Variants in TNFSF8 observed in about 807,000 individuals in gnomAD.
TNFSF8 encodes TNF superfamily member 8.
TNFSF8 carries 4 observed loss-of-function variants against 22.0 expected under a neutral mutation model. The observed-to-expected ratio is 0.18, with a 90% CI of 0.09 to 0.42. The LOEUF (loss-of-function observed/expected upper bound fraction) is 0.42, where lower values mean the gene tolerates loss of function less well. Ranked by LOEUF, TNFSF8 falls within the 10% of genes least tolerant of loss-of-function variation. TNFSF8 has a pLI of 1.00. For synonymous variants in TNFSF8, 106 were observed against 112.5 expected, an observed-to-expected ratio of 0.94 and a Z score of 0.37; for missense variants, 233 against 281.8, an observed-to-expected ratio of 0.83 and a Z score of 1.24.
At chr9:114,920,576 G>A (rs1827974763) in intron 1 of TNFSF8, among the ~76,000 whole-genome samples, 1 of 152,232 alleles carries the variant, frequency 6.6e-6, no homozygotes, top group Admixed American at 6.5e-5. Flanking sequence ...CTTTAAGGTA[G>A]TGCTGTTAGA....
intron 2 of TNFSF8, among the ~76,000 whole-genome samples, chr9:114,910,478 C>T (rs1405332439): frequency 6.6e-6 from 1 of 152,152 alleles, no homozygotes; most frequent in Non-Finnish European, 1.5e-5. Flanking sequence ...GGGCTTCTGA[C>T]TTCTAATCCA....
At chr9:114,928,162 G>A (rs1828086847) in intron 1 of TNFSF8, among the ~76,000 whole-genome samples, 1 of 152,184 alleles carries the variant, frequency 6.6e-6, no homozygotes, top group African/African-American at 2.4e-5. Context: ...ATTGCACAGT[G>A]AATCTTTTCA....
chr9:114,907,468 C>T (rs1323267686), intron 2 of TNFSF8, among the ~76,000 whole-genome samples: 4 of 152,188 alleles, frequency 2.6e-5, no homozygotes, highest in African/African-American at 9.7e-5. Flanking sequence ...CTGGCGTAGC[C>T]TCCTACTCTA....
At chr9:114,917,000 C>T (rs1194224266) in intron 2 of TNFSF8, among the ~76,000 whole-genome samples, 1 of 152,236 alleles carries the variant, frequency 6.6e-6, no homozygotes, top group Non-Finnish European at 1.5e-5. Context: ...GATTATTAGT[C>T]TGCCTTGAAA....
Position 114,902,310 on chromosome 9 carries a change from G to C in TNFSF8, c.*1621C>G. 2 of 985,424 alleles carry C rather than the reference G, an allele frequency of 2.0e-6. No individual in the cohort carries two copies. Among genetic ancestry groups the C allele is most frequent in the Non-Finnish European group, 1.2e-6 (1 of 829,928 alleles). The allele number at this position is 985,424 out of a possible 1,614,324, so 61.0% of individuals were successfully genotyped here. The stretch of plus-strand genomic sequence containing the variant: ...AACCCTCGCGGAACTGGTTTTCTGA[G>C]AGGTGTTTGAAGCAGGAATATATTA... On this transcript the variant is annotated 3_prime_UTR_variant, in exon 4 of 4. Transcript: ENST00000223795.
chr9:114,911,200 C>A (rs1486587910), intron 2 of TNFSF8, among the ~76,000 whole-genome samples: 1 of 152,192 alleles, frequency 6.6e-6, no homozygotes. Flanking sequence ...GGGAGCTTCT[C>A]AATTAAGTAC....
intron 1 of TNFSF8, among the ~76,000 whole-genome samples, chr9:114,928,411 A>G (rs1431858938): frequency 6.6e-6 from 1 of 152,214 alleles, no homozygotes; most frequent in African/African-American, 2.4e-5. Context: ...AGGCAGAAAG[A>G]TCTGCTCTGG....
At chr9:114,909,657 C>A (rs976724045) in intron 2 of TNFSF8, among the ~76,000 whole-genome samples, 2 of 152,292 alleles carry the variant, frequency 1.3e-5, no homozygotes, top group African/African-American at 4.8e-5. Context: ...CCCTATCAGA[C>A]CTGCTGGTGG....
rs575819885 is a variant in TNFSF8, at chr9:114,915,450, G to T, written c.238+2646C>A. On this transcript the variant is annotated intron_variant, in intron 2 of 3. Coordinates refer to ENST00000223795, the MANE Select transcript of TNFSF8 (RefSeq NM_001244.4). Reference sequence around the variant, plus strand: ...ATTTTTTCTACCTCACCCTACTACAGTGTCTCTGCAGATTGCTGAATTAAG... The same window carrying T: ...ATTTTTTCTACCTCACCCTACTACATTGTCTCTGCAGATTGCTGAATTAAG... Among the ~76,000 whole-genome samples the T allele has an allele frequency of 2.6e-5, 4 of 152,268 alleles. No individual in the cohort carries two copies. In the East Asian group the frequency reaches 7.7e-4, roughly 29 times the overall value.
intron 1 of TNFSF8, among the ~76,000 whole-genome samples, chr9:114,922,334 C>T (rs1423648874): frequency 5.9e-5 from 9 of 152,164 alleles, no homozygotes; most frequent in Non-Finnish European, 1.2e-4. Flanking sequence ...CATTCCTTTC[C>T]TTGTTGCCCT....
downstream of TNFSF8, among the ~76,000 whole-genome samples, chr9:114,897,572 G>A (rs892060510): frequency 6.6e-6 from 1 of 152,198 alleles, no homozygotes; most frequent in African/African-American, 2.4e-5. Flanking sequence ...AGCCAGCAGA[G>A]TCAGGAAGAC....
chr9:114,926,464 T>C (rs1444335216), intron 1 of TNFSF8, among the ~76,000 whole-genome samples: 1 of 152,164 alleles, frequency 6.6e-6, no homozygotes, highest in African/African-American at 2.4e-5. Context: ...ATTCCATTCC[T>C]ATCACTAAAA....
chr9:114,899,348 T>TA (rs1375739077), downstream of TNFSF8, among the ~76,000 whole-genome samples: 50 of 144,610 alleles, frequency 3.5e-4, no homozygotes, highest in Middle Eastern at 7.0e-3. Flanking sequence ...AGTTATTATT[T>TA]TTTTTTTTTT....
intron 2 of TNFSF8, among the ~76,000 whole-genome samples, chr9:114,913,137 G>A (rs1442361881): frequency 6.6e-6 from 1 of 152,184 alleles, no homozygotes; most frequent in East Asian, 1.9e-4. Flanking sequence ...CCAAATTCCT[G>A]GGCCAGTCCT....
chr9:114,926,039 A>C (rs1156532519), intron 1 of TNFSF8, among the ~76,000 whole-genome samples: 1 of 152,188 alleles, frequency 6.6e-6, no homozygotes, highest in Non-Finnish European at 1.5e-5. Flanking sequence ...GTGAAATTTC[A>C]TCCTGACTTT....
chr9:114,924,199 T>G (rs2131350088), intron 1 of TNFSF8, among the ~76,000 whole-genome samples: 1 of 152,292 alleles, frequency 6.6e-6, no homozygotes, highest in East Asian at 1.9e-4. Flanking sequence ...AAATGCAGAT[T>G]CGGATTCAGG....
intron 2 of TNFSF8, among the ~76,000 whole-genome samples, chr9:114,908,259 A>G (rs1437856421): frequency 1.3e-5 from 2 of 152,212 alleles, no homozygotes; most frequent in Non-Finnish European, 2.9e-5. Flanking sequence ...CACCTAGTTC[A>G]TCTTTCTTGT....
chr9:114,910,489 G>A (rs1827839681), intron 2 of TNFSF8, among the ~76,000 whole-genome samples: 1 of 152,152 alleles, frequency 6.6e-6, no homozygotes, highest in South Asian at 2.1e-4. Flanking sequence ...TTCTAATCCA[G>A]GGCTCTTCTC....
intron 2 of TNFSF8, 76 bp downstream of exon 2, chr9:114,918,020 G>T: frequency 1.4e-6 from 2 of 1,419,742 alleles, no homozygotes; most frequent in Non-Finnish European, 1.9e-6. Flanking sequence ...GTTTCTGGTT[G>T]ATAATCAGGT....
Sources: gnomAD v4.1 joint callset for allele counts (sites outside exome capture counted in the v4.1 genomes callset) on GRCh38, gnomAD v4.1.1 for gene constraint, MANE v1.5 for transcripts, NCBI Gene and HGNC (gene_info 2026-07-23, HGNC 2026-07-21) for gene names.